TENM2: variants seen among roughly 807,000 people sequenced by gnomAD.
The protein encoded by TENM2 is teneurin transmembrane protein 2.
TENM2 carries 52 observed loss-of-function variants against 245.2 expected under a neutral mutation model. That is an observed-to-expected ratio of 0.21 (90% CI 0.17 to 0.27). The LOEUF (loss-of-function observed/expected upper bound fraction) is 0.27, where lower values mean the gene tolerates loss of function less well. TENM2 is among the 10% of genes least tolerant of loss of function. The pLI is 1.00. For missense variants in TENM2, 3,046 were observed against 3,666.8 expected (o/e 0.83, Z 4.37); for synonymous variants, 1,363 against 1,438.9 (o/e 0.95, Z 1.19).
chr5:167,799,026 C>T (rs570576637), intron 2 of TENM2, among the ~76,000 whole-genome samples: 244 of 152,290 alleles, frequency 1.6e-3, no homozygotes, highest in African/African-American at 5.7e-3. Context: ...GCCCAGGTGG[C>T]CTGGGACAAA....
At chr5:167,133,069 A>G in the TENM2 span, among the ~76,000 whole-genome samples, 8 of 152,372 alleles carry the variant, frequency 5.3e-5, no homozygotes, top group East Asian at 1.5e-3. Context: ...CGTGTGGCCT[A>G]GGAGCCACTC....
the TENM2 span, among the ~76,000 whole-genome samples, chr5:167,172,153 C>G: frequency 6.6e-6 from 1 of 152,100 alleles, no homozygotes; most frequent in Non-Finnish European, 1.5e-5. Context: ...ACAGGCACAA[C>G]CGTCAGAACA....
intron 2 of TENM2, among the ~76,000 whole-genome samples, chr5:167,856,418 T>G (rs10064131): frequency 0.14 from 21,814 of 152,228 alleles, 1,671 homozygotes; most frequent in Middle Eastern, 0.17. Flanking sequence ...CAAGCAGGAA[T>G]GTTGAATCAT....
At chr5:168,169,878 A>C (rs1212073068) in intron 13 of TENM2, among the ~76,000 whole-genome samples, 1 of 152,216 alleles carries the variant, frequency 6.6e-6, no homozygotes. Flanking sequence ...CAGTCCAAAG[A>C]CCTTGTGGCA....
chr5:167,569,410 C>T (rs563398979), intron 2 of TENM2, among the ~76,000 whole-genome samples: 1 of 152,084 alleles, frequency 6.6e-6, no homozygotes, highest in South Asian at 2.1e-4. Context: ...TTAATTTAAA[C>T]ATATATGGAA....
chr5:167,486,141 A>G (rs1768055859), intron 2 of TENM2, among the ~76,000 whole-genome samples: 1 of 152,136 alleles, frequency 6.6e-6, no homozygotes, highest in Non-Finnish European at 1.5e-5. Context: ...CGTACTGCAA[A>G]ATAAAAGTAA....
intron 2 of TENM2, among the ~76,000 whole-genome samples, chr5:167,865,734 G>A (rs1307599963): frequency 6.6e-6 from 1 of 152,172 alleles, no homozygotes; most frequent in Non-Finnish European, 1.5e-5. Flanking sequence ...GGAGCACCAA[G>A]TGAAGTAGTG....
At chr5:167,419,480 A>G (rs1265733653) in intron 2 of TENM2, among the ~76,000 whole-genome samples, 1 of 152,130 alleles carries the variant, frequency 6.6e-6, no homozygotes, top group Non-Finnish European at 1.5e-5. Context: ...AAATAAATAT[A>G]GATAGATAGA....
chr5:167,022,639 C>A, the TENM2 span, among the ~76,000 whole-genome samples: 1 of 152,286 alleles, frequency 6.6e-6, no homozygotes, highest in South Asian at 2.1e-4. Context: ...AAATACACTT[C>A]CTTGTCTTCT....
intron 2 of TENM2, among the ~76,000 whole-genome samples, chr5:167,515,757 C>T (rs1770338622): frequency 7.0e-6 from 1 of 142,438 alleles, no homozygotes; most frequent in South Asian, 2.4e-4. Context: ...GCTCCACCCT[C>T]CGGGTTCATG....
intron 2 of TENM2, among the ~76,000 whole-genome samples, chr5:167,416,324 G>T (rs913607980): frequency 3.7e-4 from 56 of 152,252 alleles, no homozygotes; most frequent in African/African-American, 1.2e-3. Context: ...ATGCAATCTG[G>T]TATCACAATT....
intron 2 of TENM2, among the ~76,000 whole-genome samples, chr5:167,673,393 A>G (rs1351876835): frequency 1.3e-5 from 2 of 152,134 alleles, no homozygotes; most frequent in African/African-American, 2.4e-5. Context: ...AAGTTTGCTC[A>G]GTACTCAGTG....
In TENM2 at chr5:167,473,573, T is replaced by C. The variant is rs1428875982; in HGVS notation, c.502+98100T>C. ...AATCTTTGAAAAGGAAAGAGTGGCT[T>C]ATAGTTTTCGATCTGCTACTTGTTT... On this transcript the variant is annotated intron_variant, in intron 2 of 28. Coordinates refer to ENST00000518659, the Ensembl canonical transcript of TENM2. Among the ~76,000 whole-genome samples, 8 of 152,024 alleles carry C rather than the reference T, an allele frequency of 5.3e-5. No homozygotes were observed. The East Asian group carries it at 1.6e-3, about 30-fold the overall frequency.
chr5:167,578,645 A>G (rs1459248640), intron 2 of TENM2, among the ~76,000 whole-genome samples: 2 of 152,176 alleles, frequency 1.3e-5, no homozygotes, highest in South Asian at 4.1e-4. Context: ...ATTGATTAGG[A>G]TGGATTTTTA....
At chr5:167,905,976 A>G (rs1385110926) in intron 3 of TENM2, among the ~76,000 whole-genome samples, 2 of 152,206 alleles carry the variant, frequency 1.3e-5, no homozygotes, top group Non-Finnish European at 2.9e-5. Context: ...ATTGTCTAGT[A>G]AGGTAGCTTC....
the TENM2 span, among the ~76,000 whole-genome samples, chr5:167,003,237 A>G: frequency 1.3e-5 from 2 of 152,228 alleles, no homozygotes; most frequent in African/African-American, 4.8e-5. Context: ...ATGAATTAAC[A>G]TAGGATACAG....
intron 9 of TENM2, among the ~76,000 whole-genome samples, chr5:168,098,334 A>C (rs1180877084): frequency 1.3e-5 from 2 of 152,218 alleles, no homozygotes; most frequent in African/African-American, 4.8e-5. Flanking sequence ...GGAGCAGGGC[A>C]GTTATCCTTG....
At chr5:167,999,416 C>G (rs1018365185) in intron 5 of TENM2, among the ~76,000 whole-genome samples, 1 of 152,138 alleles carries the variant, frequency 6.6e-6, no homozygotes. Context: ...TGCTCTTAAC[C>G]TGATAATAAA....
intron 2 of TENM2, among the ~76,000 whole-genome samples, chr5:167,577,546 G>A (rs1397046018): frequency 6.6e-6 from 1 of 152,098 alleles, no homozygotes; most frequent in East Asian, 1.9e-4. Flanking sequence ...AGTCCACTGG[G>A]CTAGGGATGT....
Sources: allele counts gnomAD v4.1 joint callset (sites outside exome capture counted in the v4.1 genomes callset), GRCh38; gene constraint gnomAD v4.1.1; transcripts MANE v1.5; gene names NCBI Gene and HGNC (gene_info 2026-07-23, HGNC 2026-07-21).